Variants in CD1E observed in about 807,000 individuals in gnomAD.
CD1E encodes CD1e molecule.
Under a neutral mutation model 40.1 loss-of-function variants are expected in CD1E, and 49 were observed. The ratio of observed to expected loss-of-function variants is 1.22; its 90% confidence interval spans 0.97 to 1.55. The LOEUF (loss-of-function observed/expected upper bound fraction) is 1.55. Ranked by LOEUF, CD1E falls within the 40% of genes most tolerant of loss-of-function variation. The probability of loss-of-function intolerance (pLI) is 0.00; values close to 1 mark genes in which losing one functional copy is unlikely to be tolerated. For synonymous variants in CD1E, 189 were observed against 178.3 expected (o/e 1.06, Z -0.48); for missense variants, 492 against 471.3 (o/e 1.04, Z -0.41).
Position 158,356,085 on chromosome 1 carries a change from A to G in CD1E, c.884A>G (p.His295Arg), listed in dbSNP as rs201667828. Residue 295 changes from histidine (H) to arginine (R), a missense_variant, in exon 4 of 6, where the codon CAT becomes CGT. His to Arg is a conservative substitution (Grantham distance 29). Transcript: ENST00000368167. ...CRVKHSSLGGHDLIIHWGGYS... is the reference protein window; with the variant it reads ...CRVKHSSLGGRDLIIHWGGYS... ...GTGAAACACAGCAGTCTAGGGGGCC[A>G]TGATCTAATCATCCATTGGGGTGAG... The G allele has an allele frequency of 3.7e-6, 6 of 1,613,728 alleles. No individual in the cohort carries two copies. The highest frequency in any genetic ancestry group is 3.3e-5 in the South Asian group (3 of 91,046).
intron 3 of CD1E, 33 bp downstream of exon 3, chr1:158,355,602 C>T: frequency 4.4e-6 from 7 of 1,599,454 alleles, no homozygotes; most frequent in Non-Finnish European, 4.3e-6. Flanking sequence ...CCTCTTGTTC[C>T]TAGTACTATA....
chr1:158,355,881 A>C lies in CD1E; in HGVS notation c.680A>C (p.Gln227Pro), dbSNP rs1653586215. The change falls in exon 4 of 6, where the codon CAG becomes CCG. Residue 227 changes from glutamine to proline, a missense_variant. Coordinates refer to ENST00000368167, the MANE Select transcript of CD1E (RefSeq NM_030893.4). Reference protein sequence around the residue: ...CGPSPGPGRLQLVCHVSGFYP... With the variant: ...CGPSPGPGRLPLVCHVSGFYP... Reference sequence around the variant, plus strand: ...CCCAGTCCTGGCCCTGGCCGTCTGCAGCTTGTGTGCCATGTCTCAGGATTC... The same window carrying C: ...CCCAGTCCTGGCCCTGGCCGTCTGCCGCTTGTGTGCCATGTCTCAGGATTC... 1 of 1,614,002 alleles carries C rather than the reference A, an allele frequency of 6.2e-7. No individual in the cohort carries two copies. Among genetic ancestry groups the C allele is most frequent in the Non-Finnish European group, 8.5e-7 (1 of 1,180,000 alleles).
chr1:158,354,742 A>G (rs1017868456), intron 2 of CD1E, 69 bp downstream of exon 2: 7 of 1,327,144 alleles, frequency 5.3e-6, no homozygotes, highest in Admixed American at 1.9e-5. Context: ...GGAAGATAGT[A>G]TATAGACTCT....
chr1:158,355,924 G>T lies in CD1E; in HGVS notation c.723G>T (p.Trp241Cys). Reference sequence around the variant, plus strand: ...CAGGATTCTACCCAAAGCCCGTGTGGGTGATGTGGATGCGGGGTGAGCAGG... The same window carrying T: ...CAGGATTCTACCCAAAGCCCGTGTGTGTGATGTGGATGCGGGGTGAGCAGG... ...HVSGFYPKPV[W>C]VMWMRGEQEQ... Residue 241 changes from tryptophan (W) to cysteine (C), a missense_variant, in exon 4 of 6, where the codon TGG becomes TGT. Coordinates refer to ENST00000368167, the MANE Select transcript of CD1E (RefSeq NM_030893.4). The T allele has an allele frequency of 1.9e-6, 3 of 1,614,140 alleles. No individual in the cohort carries two copies. Among genetic ancestry groups the T allele is most frequent in the Non-Finnish European group, 2.5e-6 (3 of 1,180,046 alleles).
Position 158,355,967 on chromosome 1 carries a change from C to A in CD1E, c.766C>A (p.Arg256=), listed in dbSNP as rs775938225. Residue 256 remains arginine (R), a synonymous_variant, in exon 4 of 6, where the codon CGA becomes AGA. Coordinates refer to ENST00000368167, the MANE Select transcript of CD1E (RefSeq NM_030893.4). The stretch of plus-strand genomic sequence containing the variant: ...TGAGCAGGAGCAGCGGGGCACTCAG[C>A]GAGGGGACGTCCTGCCTAATGCTGA... ...RGEQEQRGTQ[R]GDVLPNADET... The A allele has an allele frequency of 6.2e-7, 1 of 1,614,086 alleles. No individual in the cohort carries two copies. Among genetic ancestry groups the A allele is most frequent in the Admixed American group, 1.7e-5 (1 of 60,008 alleles).
At chr1:158,355,626 A>T (rs919694263) in intron 3 of CD1E, 57 bp downstream of exon 3, 10 of 1,548,754 alleles carry the variant, frequency 6.5e-6, no homozygotes, top group Middle Eastern at 1.9e-4. Flanking sequence ...CTCATATTTG[A>T]ATTTGCCTCT....
At chr1:158,356,226 A>T in intron 4 of CD1E, 121 bp downstream of exon 4, 1 of 1,169,952 alleles carries the variant, frequency 8.5e-7, no homozygotes, top group Non-Finnish European at 1.2e-6. Flanking sequence ...GGACAATCAA[A>T]ATAAAGAAGG....
chr1:158,355,777 C>T (rs1653563557), intron 3 of CD1E, 50 bp from the exon 4 acceptor site: 1 of 1,555,468 alleles, frequency 6.4e-7, no homozygotes, highest in African/African-American at 1.4e-5. Context: ...TGAGCTCTGG[C>T]CTGGGGTGCC....
At position 158,355,512 on chromosome 1, in the gene CD1E, T is replaced by A. The variant is rs760919369; in HGVS notation, c.568T>A (p.Cys190Ser). The change falls in exon 3 of 6, where the codon TGC becomes AGC. Residue 190 changes from cysteine (C) to serine (S), a missense_variant. By Grantham distance (112) the Cys-to-Ser change is moderately radical. Coordinates refer to ENST00000368167, the MANE Select transcript of CD1E (RefSeq NM_030893.4). ...ACTGCAAAGCCTTCTTGGTCACACCTGCCCTCGATTTCTAGCGGGGCTCAT... is the reference window on the plus strand; with the variant it reads ...ACTGCAAAGCCTTCTTGGTCACACCAGCCCTCGATTTCTAGCGGGGCTCAT... ...EILQSLLGHTCPRFLAGLMEA... is the reference protein window; with the variant it reads ...EILQSLLGHTSPRFLAGLMEA... 17 of 1,614,054 alleles carry A rather than the reference T, an allele frequency of 1.1e-5. No individual in the cohort carries two copies. In the South Asian group the frequency reaches 1.4e-4, roughly 14 times the overall value.
intron 2 of CD1E, 33 bp downstream of exon 2, chr1:158,354,706 T>A: frequency 1.3e-6 from 2 of 1,575,158 alleles, no homozygotes; most frequent in South Asian, 1.2e-5. Context: ...ATAATTTGCC[T>A]GGGAACACCA....
intron 2 of CD1E, among the ~76,000 whole-genome samples, 163 bp downstream of exon 2, chr1:158,354,836 A>C (rs1190135800): frequency 6.6e-6 from 1 of 151,380 alleles, no homozygotes; most frequent in Non-Finnish European, 1.5e-5. Context: ...CACCACCCAC[A>C]CTCCACCATA....
chr1:158,356,856 T>C lies in CD1E; in HGVS notation c.1127T>C (p.Val376Ala). The C allele has an allele frequency of 6.2e-7, 1 of 1,613,900 alleles. No homozygotes were observed. The highest frequency in any genetic ancestry group is 8.5e-7 in the Non-Finnish European group (1 of 1,179,968). Reference protein sequence around the residue: ...LAQVSWIKNRVLKKWKTRLNQ... With the variant: ...LAQVSWIKNRALKKWKTRLNQ... Reference sequence around the variant, plus strand: ...CAAGTATCGTGGATCAAAAACAGAGTATTGAAGAAGTGGAAGACACGCCTA... The same window carrying C: ...CAAGTATCGTGGATCAAAAACAGAGCATTGAAGAAGTGGAAGACACGCCTA... Residue 376 changes from valine (V) to alanine (A), a missense_variant, in exon 6 of 6, where the codon GTA (valine) becomes GCA (alanine). Transcript: ENST00000368167.
chr1:158,356,912 A>G lies in CD1E; in HGVS notation c.*16A>G, dbSNP rs73012026. 11,753 of 1,609,006 alleles carry G rather than the reference A, an allele frequency of 7.3e-3. 732 individuals are homozygous for G. The African/African-American group carries it at 0.14, about 19-fold the overall frequency. On this transcript the variant is annotated 3_prime_UTR_variant, in exon 6 of 6. Transcript: ENST00000368167. ...ACTCTGGTGACATTTGCTTTACCTT[A>G]TACATAAAATCCTTGTCTGCATCTT...
chr1:158,355,359 A>C lies in CD1E; in HGVS notation c.415A>C (p.Asn139His), dbSNP rs2101606818. The change falls in exon 3 of 6, where the codon AAT (asparagine) becomes CAT (histidine). Residue 139 changes from asparagine (N) to histidine (H), a missense_variant. Physicochemically the swap from Asn to His is moderately conservative, Grantham distance 68. Transcript: ENST00000368167. ...AATGAATGCCCCACAAATCTTCTTA[A>C]ATATGGCATATCAAGGGTCAGATTT... ...CRMNAPQIFL[N>H]MAYQGSDFLS... The C allele has an allele frequency of 2.5e-6, 4 of 1,613,986 alleles. No homozygotes were observed. Among genetic ancestry groups the C allele is most frequent in the Non-Finnish European group, 3.4e-6 (4 of 1,179,908 alleles).
chr1:158,355,626 A>G (rs919694263), intron 3 of CD1E, 57 bp downstream of exon 3: 1 of 1,548,872 alleles, frequency 6.5e-7, no homozygotes, highest in African/African-American at 1.4e-5. Flanking sequence ...CTCATATTTG[A>G]ATTTGCCTCT....
intron 3 of CD1E, 74 bp from the exon 4 acceptor site, chr1:158,355,753 G>C: frequency 6.7e-7 from 1 of 1,491,782 alleles, no homozygotes; most frequent in Non-Finnish European, 8.9e-7. Context: ...TTATTACAAA[G>C]GCACCTGAGT....
intron 3 of CD1E, 100 bp downstream of exon 3, chr1:158,355,669 A>G: frequency 6.9e-7 from 1 of 1,440,500 alleles, no homozygotes; most frequent in Non-Finnish European, 9.3e-7. Context: ...GTGAGAGACT[A>G]GAGAATGAGA....
chr1:158,356,836 A>G lies in CD1E; in HGVS notation c.1107A>G (p.Val369=). 1 of 1,614,058 alleles carries G rather than the reference A, an allele frequency of 6.2e-7. No individual in the cohort carries two copies. The highest frequency in any genetic ancestry group is 8.5e-7 in the Non-Finnish European group (1 of 1,179,994). The change falls in exon 6 of 6, where the codon GTA becomes GTG. Residue 369 remains valine (V), a synonymous_variant. Coordinates refer to ENST00000368167, the MANE Select transcript of CD1E (RefSeq NM_030893.4). ...NSRHQFCLAQ[V]SWIKNRVLKK... is the part of the protein sequence containing the mutation. Reference sequence around the variant, plus strand: ...GACATCAGTTCTGCTTGGCACAAGTATCGTGGATCAAAAACAGAGTATTGA... The same window carrying G: ...GACATCAGTTCTGCTTGGCACAAGTGTCGTGGATCAAAAACAGAGTATTGA...
rs1375579719 is a variant in CD1E, at chr1:158,356,853, G to A, written c.1124G>A (p.Arg375Lys). 6.2e-7 allele frequency: 1 copy of A among 1,614,012 alleles called. No homozygotes were observed. Residue 375 changes from arginine (R) to lysine (K), a missense_variant, in exon 6 of 6, where the codon AGA becomes AAA. Coordinates refer to ENST00000368167, the MANE Select transcript of CD1E (RefSeq NM_030893.4). Reference protein sequence around the residue: ...CLAQVSWIKNRVLKKWKTRLN... With the variant: ...CLAQVSWIKNKVLKKWKTRLN... ...GCACAAGTATCGTGGATCAAAAACA[G>A]AGTATTGAAGAAGTGGAAGACACGC... is the stretch of plus-strand genomic sequence containing the variant.
Sources: gnomAD v4.1 joint callset for allele counts (sites outside exome capture counted in the v4.1 genomes callset) on GRCh38, gnomAD v4.1.1 for gene constraint, MANE v1.5 for transcripts, NCBI Gene and HGNC (gene_info 2026-07-23, HGNC 2026-07-21) for gene names.